Variants in CABP1 observed in about 807,000 individuals in gnomAD.
CABP1 encodes the protein calcium-binding protein 1.
Under a neutral mutation model 34.3 loss-of-function variants are expected in CABP1, and 17 were observed. That is an observed-to-expected ratio of 0.50 (90% CI 0.34 to 0.74). CABP1 has a LOEUF of 0.74. Among genes scored for constraint, CABP1 ranks in the 30% least tolerant of loss-of-function variants. CABP1 has a pLI of 0.01. For missense variants in CABP1, 373 were observed against 511.1 expected (o/e 0.73, Z 2.61); for synonymous variants, 198 against 229.2 (o/e 0.86, Z 1.23).
chr12:120,647,722 C>T (rs912412140), intron 1 of CABP1, among the ~76,000 whole-genome samples: 7 of 150,262 alleles, frequency 4.7e-5, no homozygotes, highest in African/African-American at 1.7e-4. Context: ...CACCTGCCAC[C>T]ACGCCCAGCT....
rs1397977810 is a variant in CABP1 at position 120,657,664 on chromosome 12, G to A, written c.655-2214G>A. On this transcript the variant is annotated intron_variant, in intron 1 of 5. Transcript: ENST00000316803. ...ACACATAGCTACTGCTGTGCATGGG[G>A]TGTGTGATCCAAGGACCAGCCATCA... Among the ~76,000 whole-genome samples, 3 of 152,216 alleles carry A rather than the reference G, an allele frequency of 2.0e-5. No individual in the cohort carries two copies. In the East Asian group the frequency reaches 5.8e-4, roughly 29 times the overall value.
chr12:120,676,436 T>C, the CABP1 span, among the ~76,000 whole-genome samples: 1 of 152,044 alleles, frequency 6.6e-6, no homozygotes, highest in African/African-American at 2.4e-5. Context: ...TCTTCTTCTT[T>C]TTTTTTTTGA....
chr12:120,655,934 G>A lies in CABP1; in HGVS notation c.655-3944G>A, dbSNP rs757167024. 13 of 1,537,952 alleles carry A rather than the reference G, an allele frequency of 8.5e-6. No homozygotes were observed. The African/African-American group carries it at 1.8e-4, about 21-fold the overall frequency. ...CAAGGATTGGAGACTCTGTCTGTTG[G>A]ACCAATTTGATGCCTGTGCACGCTC... On this transcript the variant is annotated intron_variant, in intron 1 of 5. Coordinates refer to ENST00000316803, the MANE Select transcript of CABP1 (RefSeq NM_001033677.2).
At chr12:120,670,473 C>T (rs1261059802), downstream of CABP1, among the ~76,000 whole-genome samples, 1 of 152,100 alleles carries the variant, frequency 6.6e-6, no homozygotes, top group Non-Finnish European at 1.5e-5. Context: ...TAAGGCCGAG[C>T]GAGGTGGCTC....
intron 1 of CABP1, chr12:120,650,264 G>A: frequency 7.8e-6 from 2 of 255,564 alleles, no homozygotes. Context: ...ACAGGACTGA[G>A]CGCTAATCTG....
Position 120,661,310 on chromosome 12 carries a change from C to T in CABP1, c.1087+92C>T, listed in dbSNP as rs751652318. 282 of 1,468,820 alleles carry T rather than the reference C, an allele frequency of 1.9e-4. No individual in the cohort carries two copies. The highest frequency in any genetic ancestry group is 2.4e-4 in the Non-Finnish European group (264 of 1,095,308). 91.0% of individuals were successfully genotyped at this position (1,468,820 alleles called of 1,614,324 possible). A position where few individuals can be genotyped will look rare whatever the true frequency, so the allele number is the denominator to read the frequency against. ...TGTATCCATCATGCAACCATCAATC[C>T]GCCCTAATTTTCCAACCCCCAGCCC... On this transcript the variant is annotated intron_variant, in intron 5 of 5. Transcript: ENST00000316803. This position sits in a 1 kb window ranked among gnomAD's most constrained non-coding sequence, Gnocchi z 5.1.
At chr12:120,651,850 A>C (rs1879866920) in intron 1 of CABP1, among the ~76,000 whole-genome samples, 1 of 152,140 alleles carries the variant, frequency 6.6e-6, no homozygotes, top group Non-Finnish European at 1.5e-5. Context: ...GTATCTTCTT[A>C]GGGGAGTCTT....
At chr12:120,655,633 T>C in intron 1 of CABP1, 1 of 1,394,698 alleles carries the variant, frequency 7.2e-7, no homozygotes, top group Non-Finnish European at 9.3e-7. Flanking sequence ...CAAGTCTGTT[T>C]GGGAGCTGGG....
intron 1 of CABP1, among the ~76,000 whole-genome samples, chr12:120,654,483 TCTGA>T (rs1199287800): frequency 6.6e-6 from 1 of 152,220 alleles, no homozygotes; most frequent in Non-Finnish European, 1.5e-5. Context: ...CCTGGAGGAA[TCTGA>T]CTGCAAGTAG....
At chr12:120,650,766 T>C in intron 1 of CABP1, 1 of 1,411,426 alleles carries the variant, frequency 7.1e-7, no homozygotes, top group East Asian at 2.3e-5. Flanking sequence ...ACAGAAAGGG[T>C]GGCTGGAGCT....
intron 1 of CABP1, among the ~76,000 whole-genome samples, chr12:120,651,867 C>T (rs537665122): frequency 7.9e-5 from 12 of 152,310 alleles, no homozygotes; most frequent in East Asian, 1.9e-4. Context: ...TCTTCTGCAT[C>T]GGAAGTGCCC....
chr12:120,655,623 C>A (rs1593162638), intron 1 of CABP1: 1 of 1,388,518 alleles, frequency 7.2e-7, no homozygotes, highest in Non-Finnish European at 9.3e-7. Flanking sequence ...TGGAGTAGGA[C>A]AAGTCTGTTT....
At chr12:120,674,624 C>CA in the CABP1 span, among the ~76,000 whole-genome samples, 108 of 152,238 alleles carry the variant, frequency 7.1e-4, no homozygotes, top group African/African-American at 2.5e-3. Flanking sequence ...GCGGGGTAGC[C>CA]ATGCCTGTAA....
intron 1 of CABP1, among the ~76,000 whole-genome samples, chr12:120,658,524 C>T (rs768663332): frequency 4.6e-5 from 7 of 152,200 alleles, no homozygotes; most frequent in Non-Finnish European, 8.8e-5. Context: ...CTCACACACA[C>T]TCTCAACGCT....
the CABP1 span, among the ~76,000 whole-genome samples, chr12:120,673,140 C>CA: frequency 6.6e-6 from 1 of 152,108 alleles, no homozygotes; most frequent in Non-Finnish European, 1.5e-5. Context: ...GCTATGATTG[C>CA]AAAGGGGCAC....
chr12:120,653,026 G>T (rs902717931), intron 1 of CABP1, among the ~76,000 whole-genome samples: 1 of 152,144 alleles, frequency 6.6e-6, no homozygotes, highest in Non-Finnish European at 1.5e-5. Context: ...CAGCCTCTGG[G>T]GCAACTTGGT....
chr12:120,656,226 C>A, intron 1 of CABP1: 1 of 1,589,406 alleles, frequency 6.3e-7, no homozygotes, highest in Non-Finnish European at 8.6e-7. Flanking sequence ...CTGCTGGGCC[C>A]TGCCTGCATT....
rs576963079 is a variant in CABP1, at chr12:120,655,755, G to A, written c.655-4123G>A. Reference sequence around the variant, plus strand: ...ACACTTCCCATTGGTGAGAATAGAAGCCCCCCGCTGCCCCTGTCTCTTCAT... The same window carrying A: ...ACACTTCCCATTGGTGAGAATAGAAACCCCCCGCTGCCCCTGTCTCTTCAT... On this transcript the variant is annotated intron_variant, in intron 1 of 5. Transcript: ENST00000316803. 2.8e-4 allele frequency: 416 copies of A among 1,470,532 alleles called. 3 individuals are homozygous for A. In the South Asian group the frequency reaches 5.4e-3, roughly 19 times the overall value. 91.1% of individuals were successfully genotyped at this position (1,470,532 alleles called of 1,614,324 possible).
chr12:120,668,275 A>C (rs1018062409), downstream of CABP1, among the ~76,000 whole-genome samples: 3 of 152,170 alleles, frequency 2.0e-5, no homozygotes, highest in African/African-American at 7.2e-5. Context: ...AGGCGGGAGG[A>C]TCACCTGAGT....
Sources: gnomAD v4.1 joint callset for allele counts (sites outside exome capture counted in the v4.1 genomes callset) on GRCh38, gnomAD v4.1.1 for gene constraint, Gnocchi (gnomAD v3.1) non-coding constraint, MANE v1.5 for transcripts, NCBI Gene and HGNC (gene_info 2026-07-23, HGNC 2026-07-21) for gene names.